Variants in FOXP1 observed in about 807,000 individuals in gnomAD.
The protein encoded by FOXP1 is forkhead box protein P1.
Under a neutral mutation model 98.2 loss-of-function variants are expected in FOXP1, and 15 were observed. That is an observed-to-expected ratio of 0.15 (90% CI 0.10 to 0.24). The LOEUF (loss-of-function observed/expected upper bound fraction) is 0.24. FOXP1 is among the 10% of genes least tolerant of loss of function. FOXP1 has a pLI of 1.00. For synonymous variants in FOXP1, 371 were observed against 314.5 expected (o/e 1.18, Z -1.90); for missense variants, 633 against 848.5 (o/e 0.75, Z 3.15).
intron 4 of FOXP1, among the ~76,000 whole-genome samples, chr3:71,320,485 A>G (rs2075325514): frequency 6.6e-6 from 1 of 151,800 alleles, no homozygotes; most frequent in South Asian, 2.1e-4. Context: ...AAGAAATCCC[A>G]CACATCCCAT....
At chr3:71,462,800 A>C (rs933913492) in intron 3 of FOXP1, among the ~76,000 whole-genome samples, 6 of 152,228 alleles carry the variant, frequency 3.9e-5, no homozygotes, top group African/African-American at 1.4e-4. Flanking sequence ...ATGTAGCTTC[A>C]TCTGGTCCAG....
intron 5 of FOXP1, among the ~76,000 whole-genome samples, chr3:71,281,834 C>T (rs1420701129): frequency 2.0e-5 from 3 of 151,924 alleles, no homozygotes; most frequent in Non-Finnish European, 4.4e-5. Context: ...GGCACAGTGG[C>T]TTATGCCTGT....
chr3:71,111,641 C>T (rs1390587463), intron 7 of FOXP1, among the ~76,000 whole-genome samples: 4 of 152,120 alleles, frequency 2.6e-5, no homozygotes, highest in Admixed American at 6.5e-5. Context: ...TCAAGTGATC[C>T]GCCTGCCTCA....
intron 5 of FOXP1, among the ~76,000 whole-genome samples, chr3:71,220,249 G>C (rs2065256601): frequency 6.6e-6 from 1 of 152,176 alleles, no homozygotes; most frequent in South Asian, 2.1e-4. Flanking sequence ...ATGAATGAAT[G>C]AAATATTATA....
chr3:71,198,257 G>T lies in FOXP1; in HGVS notation c.125C>A (p.Pro42Gln), dbSNP rs766294895. Residue 42 changes from proline (P) to glutamine (Q), a missense_variant, in exon 6 of 21, where the codon CCG becomes CAG. Around this residue, in one of 6 missense-constraint regions of FOXP1, gnomAD observed 103 missense variants for 85.5 expected, o/e 1.20. Coordinates refer to ENST00000649528, the MANE Select transcript of FOXP1 (RefSeq NM_001349338.3). ...GTCAGCTGCCCCGATGTCCACGGCCGGCGTCTCTCCGTTGGACCGCCCCTC... is the reference window on the plus strand; with the variant it reads ...GTCAGCTGCCCCGATGTCCACGGCCTGCGTCTCTCCGTTGGACCGCCCCTC... Reference protein sequence around the residue: ...LREGRSNGETPAVDIGAADLA... With the variant: ...LREGRSNGETQAVDIGAADLA... 6.2e-7 allele frequency: 1 copy of T among 1,614,118 alleles called. No individual in the cohort carries two copies. The highest frequency in any genetic ancestry group is 8.5e-7 in the Non-Finnish European group (1 of 1,180,034).
chr3:71,281,063 A>G (rs1363283716), intron 5 of FOXP1, among the ~76,000 whole-genome samples: 5 of 141,414 alleles, frequency 3.5e-5, no homozygotes, highest in Non-Finnish European at 7.7e-5. Context: ...AAAAAAAAAG[A>G]AGAAGAAGAA....
At chr3:71,193,119 CTTTG>C (rs1401543873) in intron 6 of FOXP1, among the ~76,000 whole-genome samples, 1 of 151,830 alleles carries the variant, frequency 6.6e-6, no homozygotes, top group Non-Finnish European at 1.5e-5. Flanking sequence ...TCTACATCCC[CTTTG>C]TTTGTTGTTG....
intron 7 of FOXP1, among the ~76,000 whole-genome samples, chr3:71,104,283 G>C (rs955887160): frequency 4.6e-5 from 7 of 152,080 alleles, no homozygotes; most frequent in African/African-American, 1.7e-4. Flanking sequence ...CATCTTTGCT[G>C]GGTGATTCAC....
intron 11 of FOXP1, among the ~76,000 whole-genome samples, chr3:71,017,208 CTATT>C (rs993675707): frequency 6.6e-6 from 1 of 151,930 alleles, no homozygotes; most frequent in African/African-American, 2.4e-5. Flanking sequence ...GAATTACTAC[CTATT>C]TGTGTTCATC....
At chr3:71,446,199 ACT>A (rs2086418760) in intron 3 of FOXP1, among the ~76,000 whole-genome samples, 1 of 152,032 alleles carries the variant, frequency 6.6e-6, no homozygotes, top group Admixed American at 6.6e-5. Flanking sequence ...TCTTGCTAAG[ACT>A]GGCTTCCATA....
intron 3 of FOXP1, among the ~76,000 whole-genome samples, chr3:71,414,762 G>A (rs954289444): frequency 6.6e-6 from 1 of 152,124 alleles, no homozygotes; most frequent in African/African-American, 2.4e-5. Flanking sequence ...CAATGCCATG[G>A]GTGATGACTA....
At chr3:71,283,944 C>T (rs2071832838) in intron 5 of FOXP1, among the ~76,000 whole-genome samples, 1 of 152,152 alleles carries the variant, frequency 6.6e-6, no homozygotes, top group Admixed American at 6.5e-5. Context: ...CCCTGGCTTT[C>T]CCAGTATCCC....
intron 4 of FOXP1, among the ~76,000 whole-genome samples, chr3:71,343,520 T>C (rs554220913): frequency 6.6e-6 from 1 of 151,366 alleles, no homozygotes; most frequent in Non-Finnish European, 1.5e-5. Context: ...AGTTCTTTTT[T>C]TCCCCCTACT....
intron 10 of FOXP1, 107 bp from the exon 11 acceptor site, chr3:71,041,639 T>G (rs1359586840): frequency 9.1e-7 from 1 of 1,098,320 alleles, no homozygotes; most frequent in Admixed American, 2.0e-5. Context: ...GTTAGGGGGG[T>G]TTTTCGGTGT....
intron 3 of FOXP1, among the ~76,000 whole-genome samples, chr3:71,388,387 G>A (rs773389865): frequency 7.9e-5 from 12 of 152,144 alleles, no homozygotes; most frequent in Non-Finnish European, 1.6e-4. Context: ...TGCACGTTCC[G>A]CAGCTCGCCC....
chr3:71,208,346 G>GA (rs1156544247), intron 5 of FOXP1, among the ~76,000 whole-genome samples: 2 of 151,814 alleles, frequency 1.3e-5, no homozygotes, highest in Non-Finnish European at 2.9e-5. Context: ...TCTCCCTTCA[G>GA]AAAAAAGCAA....
In FOXP1 at chr3:71,583,055, C is replaced by T. The variant is rs556929342; in HGVS notation, c.-447+516G>A. Among the ~76,000 whole-genome samples the T allele has an allele frequency of 2.0e-4, 31 of 151,846 alleles. No individual in the cohort carries two copies. In the East Asian group the frequency reaches 4.6e-3, roughly 23 times the overall value. On this transcript the variant is annotated intron_variant, in intron 1 of 20. Transcript: ENST00000649528. ...CGGCGCGCGCCCCCTCCCGCCGCGGCCAGGACCCGGGACCCCGCACCGGCC... is the reference window on the plus strand; with the variant it reads ...CGGCGCGCGCCCCCTCCCGCCGCGGTCAGGACCCGGGACCCCGCACCGGCC...
chr3:71,109,611 C>G (rs752085372), intron 7 of FOXP1, among the ~76,000 whole-genome samples: 1 of 152,076 alleles, frequency 6.6e-6, no homozygotes, highest in Non-Finnish European at 1.5e-5. Context: ...AGAGCCACTC[C>G]GGCGGAGACG....
In FOXP1 at chr3:70,958,927, C is replaced by A. The variant is rs2032526436; in HGVS notation, c.*320G>T. 6.8e-5 allele frequency: 29 copies of A among 426,534 alleles called. No individual in the cohort carries two copies. Among genetic ancestry groups the A allele is most frequent in the South Asian group, 6.6e-4 (29 of 43,854 alleles). 26.4% of individuals were successfully genotyped at this position (426,534 alleles called of 1,614,324 possible). A position where few individuals can be genotyped will look rare whatever the true frequency, so the allele number is the denominator to read the frequency against. ...TGGCAGGACTGCAGTTCAAAGTCTG[C>A]TGCTAAAAGTGAATCAGTTTAGCAA... On this transcript the variant is annotated 3_prime_UTR_variant, in exon 21 of 21. Transcript: ENST00000649528.
Sources: gnomAD v4.1 joint callset for allele counts (sites outside exome capture counted in the v4.1 genomes callset) on GRCh38, gnomAD v4.1.1 for gene constraint, gnomAD v4.1.1 regional missense constraint, MANE v1.5 for transcripts, NCBI Gene and HGNC (gene_info 2026-07-23, HGNC 2026-07-21) for gene names.